The following RPRD2 variants were observed in gnomAD, a reference collection of about 807,000 sequenced individuals.
RPRD2 encodes the protein regulation of nuclear pre-mRNA domain containing 2, also known as regulation of nuclear pre-mRNA domain-containing protein 2.
RPRD2 carries 12 observed loss-of-function variants against 104.4 expected under a neutral mutation model. That is an observed-to-expected ratio of 0.11 (90% CI 0.07 to 0.19). The LOEUF (loss-of-function observed/expected upper bound fraction) is 0.19, where lower values mean the gene tolerates loss of function less well. RPRD2 is among the 10% of genes least tolerant of loss of function. RPRD2 has a pLI of 1.00. For synonymous variants in RPRD2, 714 were observed against 684.9 expected, an observed-to-expected ratio of 1.04 and a Z score of -0.66; for missense variants, 1,543 against 1,790.1, an observed-to-expected ratio of 0.86 and a Z score of 2.49.
At chr1:150,405,736 A>G (rs58853199) in intron 1 of RPRD2, among the ~76,000 whole-genome samples, 13,072 of 152,252 alleles carry the variant, frequency 0.086, 683 homozygotes, top group African/African-American at 0.11. Flanking sequence ...TAAACAGTTC[A>G]TAAGTTTTAA....
At chr1:150,405,198 C>G (rs142894149) in intron 1 of RPRD2, among the ~76,000 whole-genome samples, 1 of 152,034 alleles carries the variant, frequency 6.6e-6, no homozygotes. Context: ...TCATATGTAA[C>G]AATGTTTAAC....
Position 150,364,729 on chromosome 1 carries a change from C to G in RPRD2, c.15C>G (p.Gly5=), listed in dbSNP as rs782654784. The G allele has an allele frequency of 6.4e-7, 1 of 1,573,140 alleles. No individual in the cohort carries two copies. Among genetic ancestry groups the G allele is most frequent in the Non-Finnish European group, 8.6e-7 (1 of 1,159,074 alleles). ...AAACCGGGAAGATGGCGGCCGGCGG[C>G]GGCGGAGGCAGCAGTAAGGCCTCCT... MAAG[G]GGGSSKASSS... is the part of the protein sequence containing the mutation. Residue 5 remains glycine (G), a synonymous_variant, in exon 1 of 11, where the codon GGC becomes GGG. Coordinates refer to ENST00000369068, the MANE Select transcript of RPRD2 (RefSeq NM_015203.5).
At chr1:150,438,679 C>T (rs1220278549) in intron 2 of RPRD2, among the ~76,000 whole-genome samples, 10 of 152,090 alleles carry the variant, frequency 6.6e-5, no homozygotes, top group Non-Finnish European at 7.4e-5. Flanking sequence ...GAATTTTATC[C>T]TTTGAACATC....
intron 1 of RPRD2, among the ~76,000 whole-genome samples, chr1:150,405,547 G>A (rs1452943903): frequency 6.6e-6 from 1 of 152,170 alleles, no homozygotes; most frequent in African/African-American, 2.4e-5. Context: ...ACATGAAGCC[G>A]ATTTAGGGAG....
rs1668823754 is a variant in RPRD2, at chr1:150,475,047, T to A, written c.*1713T>A. 6.6e-6 allele frequency: 1 copy of A among 152,170 alleles called. No individual in the cohort carries two copies. The highest frequency in any genetic ancestry group is 1.5e-5 in the Non-Finnish European group (1 of 68,030). The allele number at this position is 152,170 out of a possible 1,614,324, so 9.4% of individuals were successfully genotyped here. A position where few individuals can be genotyped will look rare whatever the true frequency, so the allele number is the denominator to read the frequency against. ...TGTTCTGGGGTTAGGATGCTGCAGG[T>A]CATTCATCTTCTTAATGCCTGTCTG... On this transcript the variant is annotated 3_prime_UTR_variant, in exon 11 of 11. Transcript: ENST00000369068.
chr1:150,405,496 A>G (rs1476058327), intron 1 of RPRD2, among the ~76,000 whole-genome samples: 1 of 152,148 alleles, frequency 6.6e-6, no homozygotes, highest in African/African-American at 2.4e-5. Context: ...AGGCTGAATC[A>G]TATTAAGAGA....
At position 150,472,892 on chromosome 1, in the gene RPRD2, A is replaced by G; in HGVS notation, c.3944A>G (p.His1315Arg). The stretch of plus-strand genomic sequence containing the variant: ...TTCCCAGCCCCACCACTGGCAGAGC[A>G]CGGAGTGGCAGGGGCTGTGGCAGTA... Reference protein sequence around the residue: ...VPFPAPPLAEHGVAGAVAVFP... With the variant: ...VPFPAPPLAERGVAGAVAVFP... Residue 1315 changes from histidine (H) to arginine (R), a missense_variant, in exon 11 of 11, where the codon CAC becomes CGC. By Grantham distance (29) the His-to-Arg change is conservative (BLOSUM62 0). Transcript: ENST00000369068. 1 of 1,613,392 alleles carries G rather than the reference A, an allele frequency of 6.2e-7. No individual in the cohort carries two copies. Among genetic ancestry groups the G allele is most frequent in the Non-Finnish European group, 8.5e-7 (1 of 1,179,566 alleles).
At chr1:150,401,345 G>A (rs1163815826) in intron 1 of RPRD2, among the ~76,000 whole-genome samples, 1 of 152,006 alleles carries the variant, frequency 6.6e-6, no homozygotes, top group South Asian at 2.1e-4. Context: ...AAAATTAGCT[G>A]GGTATGGTGG....
intron 1 of RPRD2, among the ~76,000 whole-genome samples, chr1:150,408,401 G>C (rs186401644): frequency 6.6e-6 from 1 of 151,856 alleles, no homozygotes; most frequent in Admixed American, 6.6e-5. Context: ...TGATCTATCC[G>C]CCTCGGCCTC....
At chr1:150,381,827 A>T (rs587675303) in intron 1 of RPRD2, among the ~76,000 whole-genome samples, 1 of 152,148 alleles carries the variant, frequency 6.6e-6, no homozygotes, top group African/African-American at 2.4e-5. Flanking sequence ...TTTTTGTTAG[A>T]TTTATGTATG....
intron 3 of RPRD2, chr1:150,441,676 C>T (rs966648179): frequency 3.0e-5 from 13 of 436,876 alleles, no homozygotes; most frequent in Non-Finnish European, 4.1e-5. Context: ...TTGGTAATTT[C>T]GCTGATGATA....
chr1:150,440,137 G>A (rs1553894075), intron 2 of RPRD2, among the ~76,000 whole-genome samples: 1 of 152,088 alleles, frequency 6.6e-6, no homozygotes, highest in Admixed American at 6.6e-5. Flanking sequence ...GTAGAGATAA[G>A]GTCTCTCTCT....
chr1:150,401,082 A>G (rs957886041), intron 1 of RPRD2, among the ~76,000 whole-genome samples: 34 of 152,156 alleles, frequency 2.2e-4, no homozygotes, highest in African/African-American at 7.7e-4. Flanking sequence ...AGGCTGAGGC[A>G]GGAGAATGGT....
intron 1 of RPRD2, among the ~76,000 whole-genome samples, chr1:150,388,021 A>T (rs1305677016): frequency 6.9e-6 from 1 of 144,916 alleles, no homozygotes; most frequent in Non-Finnish European, 1.5e-5. Flanking sequence ...GACTTCAGCC[A>T]TCCTACCACC....
intron 2 of RPRD2, among the ~76,000 whole-genome samples, chr1:150,436,055 G>C (rs1055312643): frequency 6.6e-6 from 1 of 151,970 alleles, no homozygotes; most frequent in Non-Finnish European, 1.5e-5. Flanking sequence ...GCAAAGCCCA[G>C]GTGACAGCAC....
chr1:150,419,349 A>T (rs1560186610), intron 2 of RPRD2, among the ~76,000 whole-genome samples: 1 of 152,204 alleles, frequency 6.6e-6, no homozygotes. Flanking sequence ...ACCCAGTCAG[A>T]ACTGAATGAT....
chr1:150,384,675 GTGTGTGTT>G (rs782107194), intron 1 of RPRD2, among the ~76,000 whole-genome samples: 1,873 of 135,272 alleles, frequency 0.014, 50 homozygotes, highest in African/African-American at 0.051. Context: ...GTGTGTGTGT[GTGTGTGTT>G]TTTAGTAGAG....
chr1:150,444,419 C>T, intron 6 of RPRD2, 42 bp downstream of exon 6: 1 of 1,588,680 alleles, frequency 6.3e-7, no homozygotes, highest in Non-Finnish European at 8.6e-7. Flanking sequence ...ATTTTCTTTC[C>T]ATATGTGTCA....
chr1:150,368,934 A>G (rs1194259338), intron 1 of RPRD2, among the ~76,000 whole-genome samples: 2 of 152,070 alleles, frequency 1.3e-5, no homozygotes, highest in African/African-American at 2.4e-5. Context: ...AGTGCCTTCA[A>G]TTGCTGTCAC....
Sources: allele counts gnomAD v4.1 joint callset (sites outside exome capture counted in the v4.1 genomes callset), GRCh38; gene constraint gnomAD v4.1.1; transcripts MANE v1.5; gene names NCBI Gene and HGNC (gene_info 2026-07-23, HGNC 2026-07-21).